The following PLEKHM2 variants were observed in gnomAD, a reference collection of about 807,000 sequenced individuals.
PLEKHM2 encodes the protein pleckstrin homology domain-containing family M member 2.
In PLEKHM2, 77 loss-of-function variants were observed where a neutral mutation model predicts 116.3. That is an observed-to-expected ratio of 0.66 (90% CI 0.55 to 0.80). The LOEUF (loss-of-function observed/expected upper bound fraction) is 0.80. PLEKHM2 is among the 30% of genes least tolerant of loss of function. The pLI is 0.00. For synonymous variants in PLEKHM2, 562 were observed against 571.0 expected, an observed-to-expected ratio of 0.98 and a Z score of 0.22; for missense variants, 1,183 against 1,354.9, an observed-to-expected ratio of 0.87 and a Z score of 1.99.
Position 15,732,431 on chromosome 1 carries a change from G to A in PLEKHM2, c.2707G>A (p.Glu903Lys). The A allele has an allele frequency of 1.3e-6, 2 of 1,587,872 alleles. No individual in the cohort carries two copies. Among genetic ancestry groups the A allele is most frequent in the African/African-American group, 1.3e-5 (1 of 74,642 alleles). Reference protein sequence around the residue: ...LTDDRLFTCHEDCQTSFFRSL... With the variant: ...LTDDRLFTCHKDCQTSFFRSL... ...GGATGACCGCCTCTTTACGTGCCAT[G>A]AGGATTGCCAGACCAGCTTCTTCCG... The change falls in exon 18 of 20, where the codon GAG (glutamate) becomes AAG (lysine). Residue 903 changes from glutamate (E) to lysine (K), a missense_variant. This residue lies in a region of PLEKHM2 where 594 missense variants were observed against 720.1 expected (regional missense o/e 0.82). Transcript: ENST00000375799.
At chr1:15,726,848 G>A (rs957432204) in intron 8 of PLEKHM2, among the ~76,000 whole-genome samples, 166 bp from the exon 9 acceptor site, 9 of 152,006 alleles carry the variant, frequency 5.9e-5, no homozygotes, top group African/African-American at 2.2e-4. Flanking sequence ...CTGAGCCACT[G>A]TTGTCCTCTG....
intron 1 of PLEKHM2, among the ~76,000 whole-genome samples, chr1:15,712,760 C>CA (rs998442246): frequency 6.7e-6 from 1 of 148,226 alleles, no homozygotes; most frequent in Non-Finnish European, 1.5e-5. Flanking sequence ...TCCCCCTGAC[C>CA]CTGCCTCAGC....
At position 15,684,583 on chromosome 1, in the gene PLEKHM2, C is replaced by G; in HGVS notation, c.25C>G (p.Arg9Gly). Residue 9 changes from arginine (R) to glycine (G), a missense_variant, in exon 1 of 20, where the codon CGG (arginine) becomes GGG (glycine). Physicochemically the swap from Arg to Gly is moderately radical, Grantham distance 125. Around this residue, in one of 3 missense-constraint regions of PLEKHM2, gnomAD observed 217 missense variants for 277.6 expected, o/e 0.78. Coordinates refer to ENST00000375799, the MANE Select transcript of PLEKHM2 (RefSeq NM_015164.4). The stretch of plus-strand genomic sequence containing the variant: ...CATGGAGCCGGGGGAGGTGAAGGAC[C>G]GGATCCTGGAGAACATCTCGCTGTC... MEPGEVKD[R>G]ILENISLSVK... is the part of the protein sequence containing the mutation. The G allele has an allele frequency of 3.0e-6, 4 of 1,311,802 alleles. No individual in the cohort carries two copies. The highest frequency in any genetic ancestry group is 3.9e-6 in the Non-Finnish European group (4 of 1,016,824). The allele number at this position is 1,311,802 out of a possible 1,614,324, so 81.3% of individuals were successfully genotyped here.
chr1:15,729,170 G>A lies in PLEKHM2; in HGVS notation c.2055G>A (p.Thr685=), dbSNP rs754304191. Residue 685 remains threonine (T), a synonymous_variant, in exon 13 of 20, where the codon ACG becomes ACA. Transcript: ENST00000375799. The surrounding 1 kb of genome is among the most constrained non-coding windows in gnomAD (Gnocchi z 4.7). ...TNRRKQFLLD[T]ADVALAEFFL... ...GCAGGAAGCAGTTTCTGCTGGACAC[G>A]GCTGATGTGGCGCTGGCTGAGTGAG... 3.0e-5 allele frequency: 48 copies of A among 1,611,100 alleles called. No homozygotes were observed. Among genetic ancestry groups the A allele is most frequent in the Non-Finnish European group, 3.8e-5 (45 of 1,178,786 alleles).
chr1:15,713,995 G>A (rs1641391049), intron 1 of PLEKHM2, among the ~76,000 whole-genome samples: 1 of 149,294 alleles, frequency 6.7e-6, no homozygotes, highest in Non-Finnish European at 1.5e-5. Context: ...AGGCTGGAGT[G>A]CAGTGGCACA....
At chr1:15,714,237 G>A (rs1186210307) in intron 1 of PLEKHM2, among the ~76,000 whole-genome samples, 2 of 151,426 alleles carry the variant, frequency 1.3e-5, no homozygotes, top group African/African-American at 4.9e-5. Flanking sequence ...ACCACACCCG[G>A]CCCTGTTTTG....
Position 15,721,085 on chromosome 1 carries a change from G to A in PLEKHM2, c.653-244G>A. On this transcript the variant is annotated intron_variant, in intron 6 of 19. Transcript: ENST00000375799. The surrounding 1 kb of genome is among the most constrained non-coding windows in gnomAD (Gnocchi z 5.1). ...TCTCTGCCAGAACCAGCTTCTGGAT[G>A]TGGAAAGGGGTCACCCTGACAGGTC... 4 of 458,024 alleles carry A rather than the reference G, an allele frequency of 8.7e-6. No individual in the cohort carries two copies. The highest frequency in any genetic ancestry group is 4.0e-5 in the South Asian group (1 of 24,966). 28.4% of individuals were successfully genotyped at this position (458,024 alleles called of 1,614,324 possible). A position where few individuals can be genotyped will look rare whatever the true frequency, so the allele number is the denominator to read the frequency against.
At chr1:15,713,069 G>C (rs1641368522) in intron 1 of PLEKHM2, among the ~76,000 whole-genome samples, 1 of 152,122 alleles carries the variant, frequency 6.6e-6, no homozygotes, top group African/African-American at 2.4e-5. Context: ...CCAAAGTGCT[G>C]GGATTATAGG....
intron 1 of PLEKHM2, among the ~76,000 whole-genome samples, chr1:15,713,305 T>A (rs1571046400): frequency 1.3e-5 from 2 of 152,228 alleles, no homozygotes; most frequent in Middle Eastern, 6.8e-3. Context: ...TTCTTAGGTC[T>A]GTGTATACAG....
At chr1:15,690,579 C>T (rs972592388) in intron 1 of PLEKHM2, among the ~76,000 whole-genome samples, 10 of 152,170 alleles carry the variant, frequency 6.6e-5, no homozygotes, top group African/African-American at 1.7e-4. Context: ...TCGCATACGA[C>T]GCATGTGTTC....
Position 15,716,243 on chromosome 1 carries a change from A to T in PLEKHM2, c.67A>T (p.Ser23Cys). 6.4e-7 allele frequency: 1 copy of T among 1,572,218 alleles called. No homozygotes were observed. Among genetic ancestry groups the T allele is most frequent in the Non-Finnish European group, 8.7e-7 (1 of 1,153,602 alleles). Residue 23 changes from serine to cysteine, a missense_variant, in exon 2 of 20, where the codon AGC (serine) becomes TGC (cysteine). Physicochemically the swap from Ser to Cys is moderately radical, Grantham distance 112. Around this residue, in one of 3 missense-constraint regions of PLEKHM2, gnomAD observed 217 missense variants for 277.6 expected, o/e 0.78. Transcript: ENST00000375799. ...NISLSVKKLQSYFAACEDEIP... is the reference protein window; with the variant it reads ...NISLSVKKLQCYFAACEDEIP... ...GTGTTTTTTTTTCTTTCAGTTGCAGAGCTATTTTGCTGCATGTGAGGATGA... is the reference window on the plus strand; with the variant it reads ...GTGTTTTTTTTTCTTTCAGTTGCAGTGCTATTTTGCTGCATGTGAGGATGA...
Position 15,729,869 on chromosome 1 carries a change from G to A in PLEKHM2, c.2148G>A (p.Thr716=), listed in dbSNP as rs3817269. The change falls in exon 14 of 20, where the codon ACG becomes ACA. Residue 716 remains threonine (T), a synonymous_variant. Transcript: ENST00000375799. This position sits in a 1 kb window ranked among gnomAD's most constrained non-coding sequence, Gnocchi z 4.7. ...CREPPYPSIL[T]DATMEKLALA... ...AACCTCCCTACCCCAGCATCCTGAC[G>A]GATGCCACCATGGAGAAGCTGGCAC... The A allele has an allele frequency of 0.24, 386,423 of 1,612,754 alleles. 54,506 individuals carry two copies. The highest frequency in any genetic ancestry group is 0.66 in the African/African-American group (49,423 of 74,972).
At chr1:15,692,330 G>A (rs951651441) in intron 1 of PLEKHM2, among the ~76,000 whole-genome samples, 6 of 152,182 alleles carry the variant, frequency 3.9e-5, no homozygotes, top group Non-Finnish European at 7.3e-5. Flanking sequence ...CTACACACAC[G>A]TTACAAACTG....
chr1:15,699,542 A>G (rs1641069051), intron 1 of PLEKHM2, among the ~76,000 whole-genome samples: 1 of 152,204 alleles, frequency 6.6e-6, no homozygotes, highest in African/African-American at 2.4e-5. Flanking sequence ...TGATGGCTGC[A>G]TAGTATTCCA....
chr1:15,684,643 GGGGC>G, intron 1 of PLEKHM2, 25 bp downstream of exon 1: 2 of 1,236,070 alleles, frequency 1.6e-6, no homozygotes, highest in Non-Finnish European at 2.0e-6. Context: ...CCTCCCGGCC[GGGGC>G]CCCTTCCTCG....
At chr1:15,683,587 G>A (rs1278885390), upstream of PLEKHM2, among the ~76,000 whole-genome samples, 1 of 150,708 alleles carries the variant, frequency 6.6e-6, no homozygotes, top group African/African-American at 2.4e-5. Flanking sequence ...GGTTTTGTGG[G>A]GGGATCCTGT....
intron 1 of PLEKHM2, among the ~76,000 whole-genome samples, chr1:15,701,949 T>G (rs1641122840): frequency 6.6e-6 from 1 of 152,156 alleles, no homozygotes; most frequent in South Asian, 2.1e-4. Context: ...TGATGCAAGC[T>G]CGGGGGGGTA....
chr1:15,693,738 G>T (rs1331498103), intron 1 of PLEKHM2, among the ~76,000 whole-genome samples: 1 of 152,216 alleles, frequency 6.6e-6, no homozygotes, highest in Non-Finnish European at 1.5e-5. Context: ...AAATTCTGCT[G>T]CCAGCTGACA....
At chr1:15,732,764 C>T (rs1248596377) in intron 19 of PLEKHM2, 36 bp downstream of exon 19, 1 of 1,426,190 alleles carries the variant, frequency 7.0e-7, no homozygotes, top group Admixed American at 1.9e-5. Context: ...TAGCCAGGGA[C>T]CCTGTGGAGT....
Sources: allele counts gnomAD v4.1 joint callset (sites outside exome capture counted in the v4.1 genomes callset), GRCh38; gene constraint gnomAD v4.1.1; regional missense constraint gnomAD v4.1.1; non-coding constraint Gnocchi (gnomAD v3.1); transcripts MANE v1.5; gene names NCBI Gene and HGNC (gene_info 2026-07-23, HGNC 2026-07-21).